The following F7 variants were observed in gnomAD, a reference collection of about 807,000 sequenced individuals.
F7 encodes the protein coagulation factor VII, also known as FVII coagulation protein.
A neutral mutation model predicts 47.5 loss-of-function variants in F7; 38 were observed. That is an observed-to-expected ratio of 0.80 (90% CI 0.62 to 1.05). The LOEUF (loss-of-function observed/expected upper bound fraction) is 1.05. Ranked by LOEUF, F7 falls within the 50% of genes least tolerant of loss-of-function variation. F7 has a pLI of 0.00. For synonymous variants in F7, 244 were observed against 258.5 expected (o/e 0.94, Z 0.54); for missense variants, 575 against 605.4 (o/e 0.95, Z 0.53).
chr13:113,117,375 G>C lies in F7; in HGVS notation c.616-98G>C, dbSNP rs2036211748. ...GACCCCAGGATTTCAGAAAGAAATT[G>C]TGCAATGCCAGAGGTTCCTTGGCAT... On this transcript the variant is annotated intron_variant, in intron 6 of 7. Transcript: ENST00000346342. 1.9e-6 allele frequency: 3 copies of C among 1,568,882 alleles called. No individual in the cohort carries two copies. In the Middle Eastern group the frequency reaches 5.1e-4, roughly 268 times the overall value.
At chr13:113,115,058 A>C (rs1215597055) in intron 4 of F7, among the ~76,000 whole-genome samples, 1 of 152,210 alleles carries the variant, frequency 6.6e-6, no homozygotes, top group African/African-American at 2.4e-5. Flanking sequence ...CCTGGTGCCC[A>C]GCAGCCCTGG....
chr13:113,116,665 GGCCTCA>G lies in F7; in HGVS notation c.506-100_506-95del, dbSNP rs1595077965. ...GCTCCTGGGGGCCTCCCATAGCCTCGGCCTCAAGGCCTCTCAGAGGATGGGTGTTTC... is the reference window on the plus strand; with the variant it reads ...GCTCCTGGGGGCCTCCCATAGCCTCGAGGCCTCTCAGAGGATGGGTGTTTC... On this transcript the variant is annotated intron_variant, in intron 5 of 7. Transcript: ENST00000346342. 58 of 979,806 alleles carry G rather than the reference GGCCTCA, an allele frequency of 5.9e-5. No homozygotes were observed. The East Asian group carries it at 1.4e-3, about 23-fold the overall frequency. 60.7% of individuals were successfully genotyped at this position (979,806 alleles called of 1,614,324 possible).
At chr13:113,115,870 C>G in intron 5 of F7, 70 bp downstream of exon 5, 3 of 1,602,134 alleles carry the variant, frequency 1.9e-6, no homozygotes, top group Non-Finnish European at 2.6e-6. Flanking sequence ...TCTTACTGGA[C>G]AAAAGACGGG....
intron 7 of F7, 50 bp from the exon 8 acceptor site, chr13:113,118,363 G>A (rs754522159): frequency 3.2e-6 from 5 of 1,539,746 alleles, no homozygotes; most frequent in Non-Finnish European, 4.4e-6. Context: ...GCACCAGGGG[G>A]TGAGGTGGCA....
intron 1 of F7, chr13:113,106,755 G>C (rs987425947): frequency 1.3e-5 from 16 of 1,266,596 alleles, no homozygotes; most frequent in Non-Finnish European, 1.8e-5. Flanking sequence ...GCGAGTGGGG[G>C]GTGGGCTGTG....
chr13:113,114,071 G>T, intron 4 of F7, 111 bp downstream of exon 4: 2 of 1,122,976 alleles, frequency 1.8e-6, no homozygotes, highest in South Asian at 1.3e-5. Flanking sequence ...TGTAGGCCGG[G>T]CATTCAGGGC....
rs746493506 is a variant in F7 at position 113,118,587 on chromosome 13, C to G, written c.914C>G (p.Thr305Arg). ...HVVPLCLPER[T>R]FSERTLAFVR... is the part of the protein sequence containing the mutation. ...GTGCCCCTCTGCCTGCCCGAACGGA[C>G]GTTCTCTGAGAGGACGCTGGCCTTC... The change falls in exon 8 of 8, where the codon ACG becomes AGG. Residue 305 changes from threonine to arginine, a missense_variant. Coordinates refer to ENST00000346342, the MANE Select transcript of F7 (RefSeq NM_019616.4). 1 of 1,612,832 alleles carries G rather than the reference C, an allele frequency of 6.2e-7. No homozygotes were observed. The highest frequency in any genetic ancestry group is 2.2e-5 in the East Asian group (1 of 44,860).
At chr13:113,106,196 C>G (rs921474898) in intron 1 of F7, among the ~76,000 whole-genome samples, 8 of 144,412 alleles carry the variant, frequency 5.5e-5, no homozygotes, top group Non-Finnish European at 1.2e-4. Flanking sequence ...GTCGGACAAG[C>G]GCAGGGAGTC....
chr13:113,114,042 T>A (rs2036151231), intron 4 of F7, 82 bp downstream of exon 4: 13 of 1,465,068 alleles, frequency 8.9e-6, no homozygotes, highest in African/African-American at 1.4e-5. Context: ...GGCTGCAGGG[T>A]GCACAACCTG....
At chr13:113,116,562 G>C (rs488703) in intron 5 of F7, among the ~76,000 whole-genome samples, 1 of 152,140 alleles carries the variant, frequency 6.6e-6, no homozygotes, top group African/African-American at 2.4e-5. Flanking sequence ...TTCTTCAAGG[G>C]CCTCTCATGG....
In F7 at chr13:113,110,438, G is replaced by A. The variant is rs1370637490; in HGVS notation, c.65-252G>A. The A allele has an allele frequency of 2.4e-5, 11 of 451,370 alleles. No individual in the cohort carries two copies. In the South Asian group the frequency reaches 3.4e-4, roughly 14 times the overall value. The allele number at this position is 451,370 out of a possible 1,614,324, so 28.0% of individuals were successfully genotyped here. A position where few individuals can be genotyped will look rare whatever the true frequency, so the allele number is the denominator to read the frequency against. On this transcript the variant is annotated intron_variant, in intron 1 of 7. Transcript: ENST00000346342. ...CAGCCCCCTTCGGCCCGGCTTCCGC[G>A]CGTGCCCCCGAGCGCGCCCTCGGGA...
At position 113,119,346 on chromosome 13, in the gene F7, G is replaced by A; in HGVS notation, c.*338G>A. On this transcript the variant is annotated 3_prime_UTR_variant, in exon 8 of 8. Transcript: ENST00000346342. ...GGTTGTCCTGGAGGCAGACAGCCCA[G>A]CTGAGCCTCCTTACCTCCCTTCAGC... 2.8e-6 allele frequency: 1 copy of A among 355,392 alleles called. No individual in the cohort carries two copies. Among genetic ancestry groups the A allele is most frequent in the South Asian group, 3.7e-5 (1 of 27,048 alleles). 22.0% of individuals were successfully genotyped at this position (355,392 alleles called of 1,614,324 possible). A position where few individuals can be genotyped will look rare whatever the true frequency, so the allele number is the denominator to read the frequency against.
At chr13:113,106,276 T>G (rs1595065603) in intron 1 of F7, among the ~76,000 whole-genome samples, 1 of 64,944 alleles carries the variant, frequency 1.5e-5, no homozygotes, top group Non-Finnish European at 2.9e-5. Context: ...TAGGGGACGG[T>G]GCGTGGGGGA....
At position 113,115,695 on chromosome 13, in the gene F7, G is replaced by A. The variant is rs563972504; in HGVS notation, c.400G>A (p.Gly134Ser). ...DDQLICVNEN[G>S]GCEQYCSDHT... is the part of the protein sequence containing the mutation. ...CCAGCTGATCTGTGTGAACGAGAACGGCGGCTGTGAGCAGTACTGCAGTGA... is the reference window on the plus strand; with the variant it reads ...CCAGCTGATCTGTGTGAACGAGAACAGCGGCTGTGAGCAGTACTGCAGTGA... The change falls in exon 5 of 8, where the codon GGC becomes AGC. Residue 134 changes from glycine (G) to serine (S), a missense_variant. Coordinates refer to ENST00000346342, the MANE Select transcript of F7 (RefSeq NM_019616.4). 13 of 1,612,996 alleles carry A rather than the reference G, an allele frequency of 8.1e-6. No homozygotes were observed. Among genetic ancestry groups the A allele is most frequent in the Middle Eastern group, 1.6e-4 (1 of 6,062 alleles).
Position 113,113,710 on chromosome 13 carries a change from G to C in F7, c.226-42G>C, listed in dbSNP as rs1013938684. On this transcript the variant is annotated intron_variant, in intron 2 of 7. Transcript: ENST00000346342. The surrounding 1 kb of genome is among the most constrained non-coding windows in gnomAD (Gnocchi z 4.1). ...CCAGTGCTTACCGTTGGGTGCTCTG[G>C]TGAAGGTGCATCTCACGAGGCTTGC... 18 of 1,595,184 alleles carry C rather than the reference G, an allele frequency of 1.1e-5. No individual in the cohort carries two copies. The highest frequency in any genetic ancestry group is 1.5e-5 in the Non-Finnish European group (18 of 1,162,766).
At chr13:113,109,767 G>A (rs957588483) in intron 1 of F7, among the ~76,000 whole-genome samples, 2 of 152,152 alleles carry the variant, frequency 1.3e-5, no homozygotes, top group African/African-American at 4.8e-5. Flanking sequence ...AGGCAGGTTC[G>A]GGCAGCACGG....
In F7 at chr13:113,113,976, G is replaced by A. The variant is rs375736224; in HGVS notation, c.364+16G>A. 16 of 1,613,514 alleles carry A rather than the reference G, an allele frequency of 9.9e-6. No individual in the cohort carries two copies. The highest frequency in any genetic ancestry group is 1.3e-5 in the African/African-American group (1 of 74,922). On this transcript the variant is annotated intron_variant, in intron 4 of 7. Transcript: ENST00000346342. The surrounding 1 kb of genome is among the most constrained non-coding windows in gnomAD (Gnocchi z 4.1). Reference sequence around the variant, plus strand: ...TGTGAGACGCGTAAGGCCCCACTTTGGGTCCCATATTTGCAGAGGGCCCTG... The same window carrying A: ...TGTGAGACGCGTAAGGCCCCACTTTAGGTCCCATATTTGCAGAGGGCCCTG...
chr13:113,116,796 T>C lies in F7; in HGVS notation c.536T>C (p.Leu179Pro), dbSNP rs2036200458. The C allele has an allele frequency of 1.7e-5, 28 of 1,613,756 alleles. No homozygotes were observed. Among genetic ancestry groups the C allele is most frequent in the Non-Finnish European group, 2.3e-5 (27 of 1,179,976 alleles). ...VEYPCGKIPI[L>P]EKRNASKPQG... Reference sequence around the variant, plus strand: ...TATCCATGTGGAAAAATACCTATTCTAGAAAAAAGAAATGCCAGCAAACCC... The same window carrying C: ...TATCCATGTGGAAAAATACCTATTCCAGAAAAAAGAAATGCCAGCAAACCC... The change falls in exon 6 of 8, where the codon CTA becomes CCA. Residue 179 changes from leucine (L) to proline (P), a missense_variant. Transcript: ENST00000346342.
intron 2 of F7, among the ~76,000 whole-genome samples, chr13:113,112,960 T>A (rs1409217773): frequency 6.7e-6 from 1 of 148,828 alleles, no homozygotes; most frequent in Non-Finnish European, 1.5e-5. Flanking sequence ...TACCTCACAC[T>A]CAGGGCACAC....
Sources: allele counts gnomAD v4.1 joint callset (sites outside exome capture counted in the v4.1 genomes callset), GRCh38; gene constraint gnomAD v4.1.1; non-coding constraint Gnocchi (gnomAD v3.1); transcripts MANE v1.5; gene names NCBI Gene and HGNC (gene_info 2026-07-23, HGNC 2026-07-21).